GRM8: variants seen among roughly 807,000 people sequenced by gnomAD.
GRM8 encodes metabotropic glutamate receptor 8.
A neutral mutation model predicts 87.2 loss-of-function variants in GRM8; 47 were observed. The observed-to-expected ratio is 0.54, with a 90% confidence interval of 0.43 to 0.69. The LOEUF is 0.69. GRM8 is among the 30% of genes least tolerant of loss of function. The pLI is 0.00. For synonymous variants in GRM8, 396 were observed against 404.5 expected, an observed-to-expected ratio of 0.98 and a Z score of 0.25; for missense variants, 1,019 against 1,139.2, an observed-to-expected ratio of 0.89 and a Z score of 1.52.
At chr7:126,739,520 G>A (rs574890727) in intron 7 of GRM8, among the ~76,000 whole-genome samples, 3 of 151,920 alleles carry the variant, frequency 2.0e-5, no homozygotes, top group Non-Finnish European at 4.4e-5. Flanking sequence ...TAAGACCACG[G>A]TGTTACGTTT....
At chr7:126,985,970 A>G (rs1475583209) in intron 3 of GRM8, among the ~76,000 whole-genome samples, 1 of 152,182 alleles carries the variant, frequency 6.6e-6, no homozygotes, top group African/African-American at 2.4e-5. Context: ...AAAATATATA[A>G]TTCCTTTTTC....
chr7:126,442,822 G>A (rs891625159), intron 10 of GRM8, among the ~76,000 whole-genome samples: 1 of 151,966 alleles, frequency 6.6e-6, no homozygotes, highest in Non-Finnish European at 1.5e-5. Flanking sequence ...TTCACAAAAG[G>A]ACAGCAATGC....
chr7:126,950,534 A>AT (rs1271195228), intron 3 of GRM8, among the ~76,000 whole-genome samples: 2 of 152,012 alleles, frequency 1.3e-5, no homozygotes, highest in Non-Finnish European at 2.9e-5. Context: ...AAAGACAGCT[A>AT]TTTTTTTAAT....
At chr7:126,742,222 G>A (rs908093156) in intron 7 of GRM8, among the ~76,000 whole-genome samples, 1 of 151,906 alleles carries the variant, frequency 6.6e-6, no homozygotes, top group Admixed American at 6.6e-5. Flanking sequence ...TATGATTGTT[G>A]CAGTAATTAA....
At chr7:126,600,334 T>C (rs1797610982) in intron 8 of GRM8, among the ~76,000 whole-genome samples, 1 of 152,130 alleles carries the variant, frequency 6.6e-6, no homozygotes, top group African/African-American at 2.4e-5. Flanking sequence ...AATATTGTAT[T>C]GGCAGATGTG....
At chr7:126,890,423 A>G (rs1444799959) in intron 6 of GRM8, among the ~76,000 whole-genome samples, 1 of 152,090 alleles carries the variant, frequency 6.6e-6, no homozygotes, top group East Asian at 1.9e-4. Context: ...AGAACCTTGA[A>G]CTATCTCACA....
chr7:126,753,197 G>A (rs1303687042), intron 7 of GRM8, among the ~76,000 whole-genome samples: 2 of 151,878 alleles, frequency 1.3e-5, no homozygotes, highest in Non-Finnish European at 2.9e-5. Context: ...TAAATATAGT[G>A]AAGCATATAT....
intron 6 of GRM8, among the ~76,000 whole-genome samples, chr7:126,790,419 C>T (rs1409221871): frequency 6.6e-6 from 1 of 152,150 alleles, no homozygotes; most frequent in Non-Finnish European, 1.5e-5. Flanking sequence ...ATAGAGATAA[C>T]TCTACTGCCC....
intron 7 of GRM8, among the ~76,000 whole-genome samples, chr7:126,625,400 G>T (rs1800574066): frequency 6.6e-6 from 1 of 151,582 alleles, no homozygotes; most frequent in Admixed American, 6.6e-5. Flanking sequence ...CCAATTTTAG[G>T]TTGAAAATGG....
chr7:127,077,232 C>G (rs943042894), intron 3 of GRM8, among the ~76,000 whole-genome samples: 2 of 152,160 alleles, frequency 1.3e-5, no homozygotes, highest in African/African-American at 4.8e-5. Context: ...TTCACTCTAG[C>G]CCTCTCTCTG....
At chr7:127,070,591 T>TG (rs1821577838) in intron 3 of GRM8, among the ~76,000 whole-genome samples, 1 of 152,144 alleles carries the variant, frequency 6.6e-6, no homozygotes, top group East Asian at 1.9e-4. Flanking sequence ...AGAAGCTCAT[T>TG]GAAAACAATG....
intron 7 of GRM8, among the ~76,000 whole-genome samples, chr7:126,672,100 G>A (rs1806445122): frequency 6.6e-6 from 1 of 152,188 alleles, no homozygotes; most frequent in South Asian, 2.1e-4. Context: ...AAGCTTTCAT[G>A]AATAAAGGCC....
chr7:126,800,259 G>A (rs1322645705), intron 6 of GRM8, among the ~76,000 whole-genome samples: 1 of 152,004 alleles, frequency 6.6e-6, no homozygotes, highest in Admixed American at 6.6e-5. Flanking sequence ...ACAGACCCAG[G>A]AAGGAGACCA....
At chr7:126,615,352 C>T (rs573971682) in intron 7 of GRM8, among the ~76,000 whole-genome samples, 1 of 152,164 alleles carries the variant, frequency 6.6e-6, no homozygotes, top group East Asian at 1.9e-4. Context: ...CCAGGCCTGC[C>T]CTACAAGAGC....
intron 8 of GRM8, among the ~76,000 whole-genome samples, chr7:126,559,806 C>T (rs1394627282): frequency 1.3e-5 from 2 of 152,120 alleles, no homozygotes; most frequent in Non-Finnish European, 2.9e-5. Flanking sequence ...CTGAAAATTT[C>T]AATTGTAGGC....
intron 2 of GRM8, among the ~76,000 whole-genome samples, chr7:127,154,788 T>G (rs1792621124): frequency 6.6e-6 from 1 of 152,158 alleles, no homozygotes; most frequent in African/African-American, 2.4e-5. Context: ...TACTGGAGTC[T>G]GAATAAAATT....
At chr7:127,091,592 C>T (rs1172151484) in intron 3 of GRM8, among the ~76,000 whole-genome samples, 1 of 126,416 alleles carries the variant, frequency 7.9e-6, no homozygotes, top group African/African-American at 3.1e-5. Context: ...CTCGTCATCC[C>T]CCCATCCCAC....
intron 3 of GRM8, among the ~76,000 whole-genome samples, chr7:126,932,918 A>G (rs1349403661): frequency 6.6e-6 from 1 of 152,206 alleles, no homozygotes; most frequent in Non-Finnish European, 1.5e-5. Flanking sequence ...TATGAAATGA[A>G]GTAGAGATCT....
intron 10 of GRM8, among the ~76,000 whole-genome samples, chr7:126,439,716 CAA>C (rs1801234799): frequency 6.6e-6 from 1 of 151,876 alleles, no homozygotes; most frequent in Non-Finnish European, 1.5e-5. Context: ...ATTGCTATTA[CAA>C]GAGATGACAG....
Sources: gnomAD v4.1 joint callset for allele counts (sites outside exome capture counted in the v4.1 genomes callset) on GRCh38, gnomAD v4.1.1 for gene constraint, MANE v1.5 for transcripts, NCBI Gene and HGNC (gene_info 2026-07-23, HGNC 2026-07-21) for gene names.